The following CACNA2D3 variants were observed in gnomAD, a reference collection of about 807,000 sequenced individuals.
The protein encoded by CACNA2D3 is calcium voltage-gated channel auxiliary subunit alpha2delta 3, also known as voltage-dependent calcium channel subunit alpha-2/delta-3.
In CACNA2D3, 60 loss-of-function variants were observed where a neutral mutation model predicts 160.6. The observed-to-expected ratio is 0.37, with a 90% CI of 0.30 to 0.46. The LOEUF (loss-of-function observed/expected upper bound fraction) is 0.46, where lower values mean the gene tolerates loss of function less well. Among genes scored for constraint, CACNA2D3 ranks in the 20% least tolerant of loss-of-function variants. CACNA2D3 has a pLI of 1.00. For synonymous variants in CACNA2D3, 558 were observed against 492.9 expected (o/e 1.13, Z -1.75); for missense variants, 1,205 against 1,365.0 (o/e 0.88, Z 1.85).
intron 27 of CACNA2D3, among the ~76,000 whole-genome samples, chr3:54,920,243 C>G (rs940264212): frequency 6.6e-6 from 1 of 152,222 alleles, no homozygotes; most frequent in Non-Finnish European, 1.5e-5. Context: ...TTCACATTTA[C>G]TCTCTCTAAG....
intron 4 of CACNA2D3, among the ~76,000 whole-genome samples, chr3:54,466,964 T>C (rs527984719): frequency 4.6e-5 from 7 of 152,356 alleles, no homozygotes; most frequent in African/African-American, 1.2e-4. Flanking sequence ...CTGTGGCTTA[T>C]AGCCTACTTG....
chr3:54,353,040 A>G (rs1698591448), intron 3 of CACNA2D3, among the ~76,000 whole-genome samples: 1 of 152,220 alleles, frequency 6.6e-6, no homozygotes, highest in Non-Finnish European at 1.5e-5. Flanking sequence ...TTGTTTTAAA[A>G]TGTATAATCA....
At chr3:54,851,324 A>G (rs992345049) in intron 17 of CACNA2D3, among the ~76,000 whole-genome samples, 1 of 152,208 alleles carries the variant, frequency 6.6e-6, no homozygotes, top group Non-Finnish European at 1.5e-5. Flanking sequence ...CTGGAGTTGA[A>G]GTGAGGACAA....
intron 5 of CACNA2D3, among the ~76,000 whole-genome samples, chr3:54,536,192 T>G (rs551765202): frequency 1.3e-5 from 2 of 152,168 alleles, no homozygotes; most frequent in Non-Finnish European, 2.9e-5. Context: ...ACTGCCAGGC[T>G]GATAGTGGCA....
intron 2 of CACNA2D3, among the ~76,000 whole-genome samples, chr3:54,263,353 C>A (rs1300233002): frequency 6.6e-6 from 1 of 152,132 alleles, no homozygotes; most frequent in African/African-American, 2.4e-5. Flanking sequence ...GTTTGCCAGA[C>A]AGTGTTCTAA....
intron 4 of CACNA2D3, among the ~76,000 whole-genome samples, chr3:54,502,207 T>C (rs1195595778): frequency 6.6e-6 from 1 of 152,262 alleles, no homozygotes; most frequent in Non-Finnish European, 1.5e-5. Flanking sequence ...TCAGCCATTA[T>C]TATTTCAAAT....
In CACNA2D3 at chr3:54,293,581, A is replaced by G. The variant is rs542451461; in HGVS notation, c.205-26861A>G. Among the ~76,000 whole-genome samples the G allele has an allele frequency of 1.6e-3, 244 of 149,704 alleles. 1 individual carries two copies. The highest frequency in any genetic ancestry group is 5.8e-3 in the African/African-American group (235 of 40,712). On this transcript the variant is annotated intron_variant, in intron 2 of 37. Transcript: ENST00000474759. ...TATTCTATTATATATATATATATCA[A>G]TATATCACATCCATGCAGTGGAATA...
chr3:54,978,055 G>A lies in CACNA2D3; in HGVS notation c.2557-6553G>A, dbSNP rs545757680. On this transcript the variant is annotated intron_variant, in intron 29 of 37. Transcript: ENST00000474759. ...GCACTGGTGGGAGTGTAGCAGTGAG[G>A]ATGATCAGAGTTTACTCTCATCACC... Among the ~76,000 whole-genome samples the A allele has an allele frequency of 2.0e-5, 3 of 152,248 alleles. No individual in the cohort carries two copies. The South Asian group carries it at 6.2e-4, about 32-fold the overall frequency.
chr3:54,822,201 A>G (rs1703620106), intron 14 of CACNA2D3, among the ~76,000 whole-genome samples: 1 of 152,182 alleles, frequency 6.6e-6, no homozygotes, highest in South Asian at 2.1e-4. Context: ...GGGGGTGTTA[A>G]GATTGATATA....
intron 10 of CACNA2D3, among the ~76,000 whole-genome samples, chr3:54,640,608 G>A (rs1483542128): frequency 6.6e-6 from 1 of 152,146 alleles, no homozygotes; most frequent in Non-Finnish European, 1.5e-5. Flanking sequence ...ACATACCAGT[G>A]AGCGCAATCT....
chr3:54,581,212 TAA>T (rs1321346096), intron 8 of CACNA2D3, among the ~76,000 whole-genome samples: 4 of 151,976 alleles, frequency 2.6e-5, no homozygotes, highest in African/African-American at 9.7e-5. Flanking sequence ...TTCGGGCAAA[TAA>T]AAAGTGTGGG....
intron 35 of CACNA2D3, among the ~76,000 whole-genome samples, chr3:55,021,584 C>T (rs1236953143): frequency 6.8e-6 from 1 of 146,050 alleles, no homozygotes; most frequent in Non-Finnish European, 1.5e-5. Flanking sequence ...CTCTGCATTC[C>T]AGTGCATCTC....
At chr3:54,425,027 A>G (rs1301702343) in intron 4 of CACNA2D3, among the ~76,000 whole-genome samples, 2 of 152,176 alleles carry the variant, frequency 1.3e-5, no homozygotes, top group South Asian at 4.1e-4. Flanking sequence ...GTGAAGGAAC[A>G]TGGATTTAGA....
chr3:55,021,619 G>GTGTGTGTATATATATATATATATA, intron 35 of CACNA2D3, among the ~76,000 whole-genome samples: 1 of 135,974 alleles, frequency 7.4e-6, no homozygotes, highest in African/African-American at 2.9e-5. Flanking sequence ...ATATATATGT[G>GTGTGTGTATATATATATATATATA]TGTGTGTATA....
chr3:55,037,215 C>G (rs898383658), intron 35 of CACNA2D3, among the ~76,000 whole-genome samples: 1 of 152,212 alleles, frequency 6.6e-6, no homozygotes, highest in Non-Finnish European at 1.5e-5. Context: ...TTCATTTGCA[C>G]TCCTCCCTCT....
At chr3:54,923,086 A>C (rs544421170) in intron 27 of CACNA2D3, among the ~76,000 whole-genome samples, 1 of 152,254 alleles carries the variant, frequency 6.6e-6, no homozygotes, top group East Asian at 1.9e-4. Flanking sequence ...CTTCTTCTGC[A>C]GCCTTTCGTC....
At chr3:54,703,673 A>G (rs1306543321) in intron 11 of CACNA2D3, among the ~76,000 whole-genome samples, 2 of 152,204 alleles carry the variant, frequency 1.3e-5, no homozygotes, top group African/African-American at 4.8e-5. Context: ...ATTTAGGAAG[A>G]AGGTGCCACA....
intron 4 of CACNA2D3, among the ~76,000 whole-genome samples, chr3:54,471,317 A>G (rs978918157): frequency 1.1e-4 from 16 of 152,240 alleles, no homozygotes; most frequent in African/African-American, 3.9e-4. Flanking sequence ...TAAATAACGA[A>G]ATCAAGGCAG....
At chr3:54,437,570 C>G (rs1183991347) in intron 4 of CACNA2D3, among the ~76,000 whole-genome samples, 1 of 152,162 alleles carries the variant, frequency 6.6e-6, no homozygotes, top group Non-Finnish European at 1.5e-5. Context: ...TTATGGTAGG[C>G]CTTCAGCCAA....
Sources: gnomAD v4.1 joint callset for allele counts (sites outside exome capture counted in the v4.1 genomes callset) on GRCh38, gnomAD v4.1.1 for gene constraint, MANE v1.5 for transcripts, NCBI Gene and HGNC (gene_info 2026-07-23, HGNC 2026-07-21) for gene names.